The following IL15RA variants were observed in gnomAD, a reference collection of about 807,000 sequenced individuals.
IL15RA encodes interleukin 15 receptor subunit alpha.
IL15RA carries 26 observed loss-of-function variants against 24.2 expected under a neutral mutation model. The observed-to-expected ratio is 1.07, with a 90% CI of 0.79 to 1.49. The LOEUF (loss-of-function observed/expected upper bound fraction) is 1.49, where lower values mean the gene tolerates loss of function less well. IL15RA is among the 40% of genes most tolerant of loss of function. The probability of loss-of-function intolerance (pLI) is 0.00; values close to 1 mark genes in which losing one functional copy is unlikely to be tolerated. For missense variants in IL15RA, 354 were observed against 356.4 expected, an observed-to-expected ratio of 0.99 and a Z score of 0.05; for synonymous variants, 166 against 157.6, an observed-to-expected ratio of 1.05 and a Z score of -0.40.
intron 1 of IL15RA, 54 bp downstream of exon 1, chr10:5,977,351 C>A: frequency 4.5e-6 from 4 of 884,008 alleles, no homozygotes; most frequent in Middle Eastern, 3.9e-4. Flanking sequence ...TCCAGCTCCA[C>A]GTCCCGGCCC....
At chr10:5,956,495 T>G in intron 5 of IL15RA, 41 bp from the exon 6 acceptor site, 7 of 1,461,954 alleles carry the variant, frequency 4.8e-6, no homozygotes, top group Non-Finnish European at 6.7e-6. Context: ...CAGAAGCACA[T>G]TCATTGCTAC....
chr10:5,977,625 A>G, upstream of IL15RA: 2 of 1,262,134 alleles, frequency 1.6e-6, no homozygotes, highest in South Asian at 2.9e-5. Flanking sequence ...TTGGCCCCCG[A>G]GGGCTCGGAG....
chr10:5,973,608 G>C lies in IL15RA; in HGVS notation c.88+3797C>G, dbSNP rs1589256685. On this transcript the variant is annotated intron_variant, in intron 1 of 6. Coordinates refer to ENST00000379977, the MANE Select transcript of IL15RA (RefSeq NM_002189.4). This position sits in a 1 kb window ranked among gnomAD's most constrained non-coding sequence, Gnocchi z 4.5. ...TGGAATAATTGGATATGCATATATA[G>C]AAACAAACAAAATCCCAAAACAACC... Among the ~76,000 whole-genome samples, 1 of 152,232 alleles carries C rather than the reference G, an allele frequency of 6.6e-6. No individual in the cohort carries two copies. Among genetic ancestry groups the C allele is most frequent in the East Asian group, 1.9e-4 (1 of 5,182 alleles).
At chr10:5,952,179 G>A (rs1465476550), downstream of IL15RA, among the ~76,000 whole-genome samples, 6 of 152,182 alleles carry the variant, frequency 3.9e-5, no homozygotes, top group East Asian at 1.2e-3. Context: ...ACTTGCCACT[G>A]TGTGGATTAG....
At chr10:5,956,312 G>A in intron 6 of IL15RA, 67 bp downstream of exon 6, 2 of 1,315,298 alleles carry the variant, frequency 1.5e-6, no homozygotes, top group East Asian at 4.7e-5. Context: ...ACCGCGCCCG[G>A]CCAGGTGCAG....
In IL15RA at chr10:5,966,304, C is replaced by T. The variant is rs374107271; in HGVS notation, c.124G>A (p.Ala42Thr). The change falls in exon 2 of 7, where the codon GCA becomes ACA. Residue 42 changes from alanine to threonine, a missense_variant. Coordinates refer to ENST00000379977, the MANE Select transcript of IL15RA (RefSeq NM_002189.4). The surrounding 1 kb of genome is among the most constrained non-coding windows in gnomAD (Gnocchi z 6.4). ...TCPPPMSVEH[A>T]DIWVKSYSLY... ...CTGTAGCTCTTGACCCAGATGTCTG[C>T]GTGTTCCACGGACATGGGGGGAGGG... 20 of 1,612,228 alleles carry T rather than the reference C, an allele frequency of 1.2e-5. No individual in the cohort carries two copies. The highest frequency in any genetic ancestry group is 2.7e-5 in the African/African-American group (2 of 75,000).
chr10:5,967,152 A>G lies in IL15RA; in HGVS notation c.89-813T>C, dbSNP rs1324816145. 6.6e-6 allele frequency among the ~76,000 whole-genome samples: 1 copy of G among 152,154 alleles called. No homozygotes were observed. The highest frequency in any genetic ancestry group is 1.5e-5 in the Non-Finnish European group (1 of 68,028). On this transcript the variant is annotated intron_variant, in intron 1 of 6. Coordinates refer to ENST00000379977, the MANE Select transcript of IL15RA (RefSeq NM_002189.4). This position sits in a 1 kb window ranked among gnomAD's most constrained non-coding sequence, Gnocchi z 4.4. ...CACATGTGTGTGTTAGCTTGGCAGT[A>G]CTTGCAAGATCGGGCCTTGCCTTGT...
Position 5,966,347 on chromosome 10 carries a change from A to G in IL15RA, c.89-8T>C. ...GGGGAGGGCACGTGATGCCTGCGAAAGTGCAGAGGACAGGGGACGGTGAAG... is the reference window on the plus strand; with the variant it reads ...GGGGAGGGCACGTGATGCCTGCGAAGGTGCAGAGGACAGGGGACGGTGAAG... On this transcript the variant is annotated splice_region_variant and splice_polypyrimidine_tract_variant and intron_variant, in intron 1 of 6. Coordinates refer to ENST00000379977, the MANE Select transcript of IL15RA (RefSeq NM_002189.4). This position sits in a 1 kb window ranked among gnomAD's most constrained non-coding sequence, Gnocchi z 6.4. The G allele has an allele frequency of 6.2e-7, 1 of 1,602,642 alleles. No individual in the cohort carries two copies. Among genetic ancestry groups the G allele is most frequent in the Non-Finnish European group, 8.5e-7 (1 of 1,170,322 alleles).
downstream of IL15RA, among the ~76,000 whole-genome samples, chr10:5,951,160 AAAAAAAAAAAAAAT>A (rs1434815037): frequency 1.3e-5 from 2 of 149,338 alleles, no homozygotes; most frequent in African/African-American, 2.5e-5. Context: ...AAAAAAAAAA[AAAAAAAAAAAAAAT>A]ATTAGCCAGG....
Position 5,963,780 on chromosome 10 carries a change from C to T in IL15RA, c.345G>A (p.Val115=). 2 of 1,527,182 alleles carry T rather than the reference C, an allele frequency of 1.3e-6. No individual in the cohort carries two copies. Among genetic ancestry groups the T allele is most frequent in the Non-Finnish European group, 8.7e-7 (1 of 1,149,972 alleles). 94.6% of individuals were successfully genotyped at this position (1,527,182 alleles called of 1,614,324 possible). A position where few individuals can be genotyped will look rare whatever the true frequency, so the allele number is the denominator to read the frequency against. The change falls in exon 3 of 7, where the codon GTG becomes GTA. Residue 115 remains valine, a synonymous_variant. Coordinates refer to ENST00000379977, the MANE Select transcript of IL15RA (RefSeq NM_002189.4). This position sits in a 1 kb window ranked among gnomAD's most constrained non-coding sequence, Gnocchi z 5.3. ...APPSTVTTAG[V]TPQPESLSPS... ...GGGAGAGGCTCTCTGGCTGTGGGGT[C>T]ACCCCTGCCGTCGTTACTGTGGAGG...
rs1335172997 is a variant in IL15RA at position 5,968,358 on chromosome 10, G to A, written c.89-2019C>T. 6.6e-6 allele frequency among the ~76,000 whole-genome samples: 1 copy of A among 151,904 alleles called. No homozygotes were observed. Among genetic ancestry groups the A allele is most frequent in the Non-Finnish European group, 1.5e-5 (1 of 67,986 alleles). On this transcript the variant is annotated intron_variant, in intron 1 of 6. Coordinates refer to ENST00000379977, the MANE Select transcript of IL15RA (RefSeq NM_002189.4). This position sits in a 1 kb window ranked among gnomAD's most constrained non-coding sequence, Gnocchi z 5.4. ...GGCAGGCTGGGGGCAGGGTGGGAGG[G>A]GAGAAATCTCAAATTCAAGATTGTT...
rs1356115703 is a variant in IL15RA, at chr10:5,960,659, A to C, written c.383-92T>G. ...GGGTGATGTGGGAGCTGCCATAGTGAGTCACCCTGACCAGCCCTCCCTCTC... is the reference window on the plus strand; with the variant it reads ...GGGTGATGTGGGAGCTGCCATAGTGCGTCACCCTGACCAGCCCTCCCTCTC... On this transcript the variant is annotated intron_variant, in intron 3 of 6. Transcript: ENST00000379977. The surrounding 1 kb of genome is among the most constrained non-coding windows in gnomAD (Gnocchi z 5.1). 2 of 1,073,022 alleles carry C rather than the reference A, an allele frequency of 1.9e-6. No individual in the cohort carries two copies. Among genetic ancestry groups the C allele is most frequent in the Non-Finnish European group, 2.8e-6 (2 of 714,276 alleles). The allele number at this position is 1,073,022 out of a possible 1,614,324, so 66.5% of individuals were successfully genotyped here.
Position 5,965,098 on chromosome 10 carries a change from C to T in IL15RA, c.283+1047G>A, listed in dbSNP as rs1289838599. On this transcript the variant is annotated intron_variant, in intron 2 of 6. Coordinates refer to ENST00000379977, the MANE Select transcript of IL15RA (RefSeq NM_002189.4). The surrounding 1 kb of genome is among the most constrained non-coding windows in gnomAD (Gnocchi z 5.8). ...CCATGCAGGGGCGCGCTCATCCCTG[C>T]CCCAGAGATGAACTGGGGAAGGAGA... Among the ~76,000 whole-genome samples, 2 of 152,186 alleles carry T rather than the reference C, an allele frequency of 1.3e-5. No individual in the cohort carries two copies. The highest frequency in any genetic ancestry group is 3.8e-4 in the East Asian group (2 of 5,200).
At chr10:5,969,587 G>C (rs1837247932) in intron 1 of IL15RA, among the ~76,000 whole-genome samples, 1 of 152,072 alleles carries the variant, frequency 6.6e-6, no homozygotes, top group South Asian at 2.1e-4. Context: ...ATGTTGCTCA[G>C]GCTGGTCTCA....
chr10:5,951,862 G>A (rs1833899866), downstream of IL15RA, among the ~76,000 whole-genome samples: 1 of 152,062 alleles, frequency 6.6e-6, no homozygotes, highest in African/African-American at 2.4e-5. Context: ...GTCTCACTAT[G>A]TTGCCCAGGG....
At position 5,953,343 on chromosome 10, in the gene IL15RA, A is replaced by G. The variant is rs372303890; in HGVS notation, c.693-137T>C. 8.2e-6 allele frequency: 6 copies of G among 727,874 alleles called. No individual in the cohort carries two copies. The highest frequency in any genetic ancestry group is 5.9e-5 in the South Asian group (4 of 68,136). The allele number at this position is 727,874 out of a possible 1,614,324, so 45.1% of individuals were successfully genotyped here. On this transcript the variant is annotated intron_variant, in intron 6 of 6. Transcript: ENST00000379977. The surrounding 1 kb of genome is among the most constrained non-coding windows in gnomAD (Gnocchi z 5.3). Reference sequence around the variant, plus strand: ...ACAGAGGCCCTGCCACGGGAGTCAGACAGAGAGCACTTAGTCCTCAGAGAT... The same window carrying G: ...ACAGAGGCCCTGCCACGGGAGTCAGGCAGAGAGCACTTAGTCCTCAGAGAT...
At chr10:5,977,362 C>A (rs1838625225) in intron 1 of IL15RA, 43 bp downstream of exon 1, 2 of 995,080 alleles carry the variant, frequency 2.0e-6, no homozygotes, top group Non-Finnish European at 2.7e-6. Context: ...GTCCCGGCCC[C>A]CTTCCAAGTC....
In IL15RA at chr10:5,971,262, A is replaced by C. The variant is rs746557778; in HGVS notation, c.89-4923T>G. Among the ~76,000 whole-genome samples, 3 of 152,224 alleles carry C rather than the reference A, an allele frequency of 2.0e-5. No individual in the cohort carries two copies. Among genetic ancestry groups the C allele is most frequent in the East Asian group, 3.8e-4 (2 of 5,208 alleles). ...CTGAATACATATAATGGAATTATGA[A>C]GTAATGGAAATTGGAGTAAACTTAT... On this transcript the variant is annotated intron_variant, in intron 1 of 6. Transcript: ENST00000379977. The surrounding 1 kb of genome is among the most constrained non-coding windows in gnomAD (Gnocchi z 5.5).
Position 5,971,640 on chromosome 10 carries a change from C to T in IL15RA, c.89-5301G>A, listed in dbSNP as rs921538639. Among the ~76,000 whole-genome samples, 3 of 152,212 alleles carry T rather than the reference C, an allele frequency of 2.0e-5. No homozygotes were observed. The highest frequency in any genetic ancestry group is 1.3e-4 in the Admixed American group (2 of 15,274). The stretch of plus-strand genomic sequence containing the variant: ...AGAGATGTGTCAGATATGGTTCCTG[C>T]CCTCAGGATGCTCACTGTGGAGCTG... On this transcript the variant is annotated intron_variant, in intron 1 of 6. Transcript: ENST00000379977. This position sits in a 1 kb window ranked among gnomAD's most constrained non-coding sequence, Gnocchi z 5.5.
Sources: gnomAD v4.1 joint callset for allele counts (sites outside exome capture counted in the v4.1 genomes callset) on GRCh38, gnomAD v4.1.1 for gene constraint, Gnocchi (gnomAD v3.1) non-coding constraint, MANE v1.5 for transcripts, NCBI Gene and HGNC (gene_info 2026-07-23, HGNC 2026-07-21) for gene names.